The following STAB2 variants were observed in gnomAD, a reference collection of about 807,000 sequenced individuals.
The protein encoded by STAB2 is stabilin 2.
Under a neutral mutation model 338.1 loss-of-function variants are expected in STAB2, and 288 were observed. The observed-to-expected ratio is 0.85, with a 90% CI of 0.77 to 0.94. The LOEUF is 0.94. STAB2 is among the 40% of genes least tolerant of loss of function. The probability of loss-of-function intolerance (pLI) is 0.00; values close to 1 mark genes in which losing one functional copy is unlikely to be tolerated. For missense variants in STAB2, 3,141 were observed against 3,210.1 expected (o/e 0.98, Z 0.52); for synonymous variants, 1,202 against 1,193.3 (o/e 1.01, Z -0.15).
chr12:103,644,724 A>G lies in STAB2; in HGVS notation c.1041-3966A>G, dbSNP rs141726448. Among the ~76,000 whole-genome samples, 1,193 of 152,308 alleles carry G rather than the reference A, an allele frequency of 7.8e-3. 6 individuals are homozygous for G. The highest frequency in any genetic ancestry group is 0.017 in the Middle Eastern group (5 of 294). On this transcript the variant is annotated intron_variant, in intron 9 of 68. Coordinates refer to ENST00000388887, the MANE Select transcript of STAB2 (RefSeq NM_017564.10). ...CAAAAAATATAAACAGATAGAATGA[A>G]TAAGACCTAGCATTTGATAACACAA...
intron 46 of STAB2, among the ~76,000 whole-genome samples, 154 bp downstream of exon 46, chr12:103,726,317 C>T (rs996496330): frequency 6.6e-6 from 1 of 152,090 alleles, no homozygotes; most frequent in Admixed American, 6.6e-5. Context: ...GGCAAAACCC[C>T]GTCTCTTTTA....
intron 55 of STAB2, among the ~76,000 whole-genome samples, chr12:103,741,279 A>G (rs1882563926): frequency 6.6e-6 from 1 of 152,216 alleles, no homozygotes; most frequent in Non-Finnish European, 1.5e-5. Flanking sequence ...GTTAACTTCT[A>G]GCCAACAATA....
Position 103,759,203 on chromosome 12 carries a change from A to G in STAB2, c.7178A>G (p.Asn2393Ser). 6.2e-7 allele frequency: 1 copy of G among 1,614,174 alleles called. No individual in the cohort carries two copies. Among genetic ancestry groups the G allele is most frequent in the Non-Finnish European group, 8.5e-7 (1 of 1,180,042 alleles). ...ATGTTTTTCTACAATGACCTTGTCA[A>G]TGGCACCACCCTGCAAACGAGGCTG... Reference protein sequence around the residue: ...VSMFFYNDLVNGTTLQTRLGS... With the variant: ...VSMFFYNDLVSGTTLQTRLGS... Residue 2393 changes from asparagine to serine, a missense_variant, in exon 65 of 69, where the codon AAT (asparagine) becomes AGT (serine). Coordinates refer to ENST00000388887, the MANE Select transcript of STAB2 (RefSeq NM_017564.10).
At chr12:103,590,248 G>A (rs1005172450) in intron 1 of STAB2, among the ~76,000 whole-genome samples, 1 of 152,242 alleles carries the variant, frequency 6.6e-6, no homozygotes, top group Admixed American at 6.5e-5. Context: ...CAATTCATTT[G>A]TTTAATCAAC....
chr12:103,692,604 T>A (rs1016597217), intron 30 of STAB2, among the ~76,000 whole-genome samples: 2 of 150,354 alleles, frequency 1.3e-5, no homozygotes, highest in African/African-American at 4.9e-5. Context: ...TCTCTGTGTG[T>A]GTGTGTGTGC....
intron 2 of STAB2, among the ~76,000 whole-genome samples, chr12:103,592,881 CTATT>C (rs750280043): frequency 1.4e-4 from 22 of 152,164 alleles, no homozygotes; most frequent in Non-Finnish European, 2.6e-4. Context: ...CCATTCCACT[CTATT>C]TATATTCCTC....
At chr12:103,747,289 G>C (rs1455554580) in intron 58 of STAB2, among the ~76,000 whole-genome samples, 1 of 152,206 alleles carries the variant, frequency 6.6e-6, no homozygotes, top group Middle Eastern at 3.2e-3. Context: ...TATAGGTTCA[G>C]CCATACAGAG....
In STAB2 at chr12:103,587,299, TC is replaced by T; in HGVS notation, c.-176del. On this transcript the variant is annotated 5_prime_UTR_variant, in exon 1 of 69. Transcript: ENST00000388887. ...CCAAGACTCCTGGATTTGCCATTTT[TC>T]CTTTCTGAAGGCAGGTCTCACCTAT... The T allele has an allele frequency of 1.7e-6, 1 of 605,190 alleles. No homozygotes were observed. The highest frequency in any genetic ancestry group is 2.9e-6 in the Non-Finnish European group (1 of 345,524). 37.5% of individuals were successfully genotyped at this position (605,190 alleles called of 1,614,324 possible).
intron 50 of STAB2, 101 bp downstream of exon 50, chr12:103,731,736 CTGT>C (rs1881651685): frequency 7.4e-6 from 9 of 1,213,938 alleles, no homozygotes; most frequent in Non-Finnish European, 1.1e-5. Context: ...CATTGGCCAG[CTGT>C]TGTGGGATCT....
chr12:103,702,385 G>A (rs1445016773), intron 34 of STAB2, among the ~76,000 whole-genome samples: 5 of 150,688 alleles, frequency 3.3e-5, no homozygotes, highest in South Asian at 4.2e-4. Flanking sequence ...TGCAAGCTCC[G>A]CTTCCCGGGT....
At chr12:103,726,521 A>G (rs1201199969) in intron 46 of STAB2, among the ~76,000 whole-genome samples, 1 of 152,200 alleles carries the variant, frequency 6.6e-6, no homozygotes. Context: ...GCCTCAAGCC[A>G]AATACAGGAT....
At chr12:103,679,152 G>T (rs1044591731) in intron 25 of STAB2, among the ~76,000 whole-genome samples, 4 of 152,018 alleles carry the variant, frequency 2.6e-5, no homozygotes, top group African/African-American at 9.7e-5. Context: ...AAGGCAGGAG[G>T]ATCACCTGAG....
rs547275424 is a variant in STAB2 at position 103,677,646 on chromosome 12, G to A, written c.2805+35G>A. ...ATGTCATGAGAGCAAAGAGAAAGCAGGAATCCTGCAGTGACTTTGCTTTCC... is the reference window on the plus strand; with the variant it reads ...ATGTCATGAGAGCAAAGAGAAAGCAAGAATCCTGCAGTGACTTTGCTTTCC... On this transcript the variant is annotated intron_variant, in intron 25 of 68. Coordinates refer to ENST00000388887, the MANE Select transcript of STAB2 (RefSeq NM_017564.10). 4.7e-5 allele frequency: 75 copies of A among 1,591,914 alleles called. No homozygotes were observed. In the East Asian group the frequency reaches 1.6e-3, roughly 35 times the overall value.
At position 103,750,725 on chromosome 12, in the gene STAB2, G is replaced by C. The variant is rs546173954; in HGVS notation, c.6580+5G>C. On this transcript the variant is annotated splice_donor_5th_base_variant and intron_variant, in intron 60 of 68. Transcript: ENST00000388887. ...GTGTCGACCTCCACTTCCAGGGTTAGTGTGACCAGGGCCTATGGCCCAAAG... is the reference window on the plus strand; with the variant it reads ...GTGTCGACCTCCACTTCCAGGGTTACTGTGACCAGGGCCTATGGCCCAAAG... 1.2e-6 allele frequency: 2 copies of C among 1,611,590 alleles called. No homozygotes were observed. Among genetic ancestry groups the C allele is most frequent in the South Asian group, 1.1e-5 (1 of 90,958 alleles).
rs77559997 is a variant in STAB2 at position 103,638,275 on chromosome 12, G to A, written c.906+63G>A. On this transcript the variant is annotated intron_variant, in intron 8 of 68. Coordinates refer to ENST00000388887, the MANE Select transcript of STAB2 (RefSeq NM_017564.10). The stretch of plus-strand genomic sequence containing the variant: ...TTTGACAAGCCACTATGTGTCACAG[G>A]TATCATTTGTCTTCTATGCCATCCC... The A allele has an allele frequency of 9.0e-4, 1,371 of 1,528,298 alleles. 13 individuals are homozygous for A. The African/African-American group carries it at 0.017, about 19-fold the overall frequency. 94.7% of individuals were successfully genotyped at this position (1,528,298 alleles called of 1,614,324 possible).
intron 58 of STAB2, among the ~76,000 whole-genome samples, 155 bp from the exon 59 acceptor site, chr12:103,748,808 C>A (rs371505325): frequency 1.7e-4 from 26 of 152,272 alleles, no homozygotes; most frequent in African/African-American, 5.5e-4. Flanking sequence ...CAAAGGCCAG[C>A]ACAGAGGCCA....
rs1326709087 is a variant in STAB2, at chr12:103,731,614, C to G, written c.5262C>G (p.Ile1754Met). 3 of 1,613,660 alleles carry G rather than the reference C, an allele frequency of 1.9e-6. No homozygotes were observed. In the African/African-American group the frequency reaches 4.0e-5, roughly 22 times the overall value. The change falls in exon 50 of 69, where the codon ATC becomes ATG. Residue 1754 changes from isoleucine to methionine, a missense_variant. By Grantham distance (10) the Ile-to-Met change is conservative (BLOSUM62 1). Transcript: ENST00000388887. ...LTTLATNNGY[I>M]KFSNLIQDSG... The stretch of plus-strand genomic sequence containing the variant: ...CTTTGGCAACAAACAATGGCTACAT[C>G]AAATTTAGCAACTTAATACAGGTAA...
chr12:103,638,591 T>C lies in STAB2; in HGVS notation c.906+379T>C, dbSNP rs115073595. Reference sequence around the variant, plus strand: ...GGCTTTCTAATTTAAAAGGTGCTCTTAGAACCAAAAATACCCTGTTCCAAA... The same window carrying C: ...GGCTTTCTAATTTAAAAGGTGCTCTCAGAACCAAAAATACCCTGTTCCAAA... On this transcript the variant is annotated intron_variant, in intron 8 of 68. Transcript: ENST00000388887. 3.8e-3 allele frequency among the ~76,000 whole-genome samples: 582 copies of C among 152,342 alleles called. 2 individuals carry two copies. The highest frequency in any genetic ancestry group is 0.013 in the African/African-American group (550 of 41,578).
chr12:103,688,322 T>A, intron 28 of STAB2, 107 bp downstream of exon 28: 2 of 1,083,924 alleles, frequency 1.8e-6, no homozygotes, highest in East Asian at 4.7e-5. Flanking sequence ...TGTAGGCAAT[T>A]GTGCTGAGCA....
Sources: gnomAD v4.1 joint callset for allele counts (sites outside exome capture counted in the v4.1 genomes callset) on GRCh38, gnomAD v4.1.1 for gene constraint, MANE v1.5 for transcripts, NCBI Gene and HGNC (gene_info 2026-07-23, HGNC 2026-07-21) for gene names.